Variants in SPHKAP observed in about 807,000 individuals in gnomAD.
The protein encoded by SPHKAP is A-kinase anchor protein SPHKAP.
Under a neutral mutation model 137.5 loss-of-function variants are expected in SPHKAP, and 67 were observed. The ratio of observed to expected loss-of-function variants is 0.49; its 90% CI spans 0.40 to 0.60. SPHKAP has a LOEUF of 0.60. SPHKAP is among the 20% of genes least tolerant of loss of function. The pLI, the probability that SPHKAP is intolerant of heterozygous loss-of-function variation, is 0.00. For synonymous variants in SPHKAP, 813 were observed against 785.3 expected, an observed-to-expected ratio of 1.04 and a Z score of -0.59; for missense variants, 2,097 against 2,069.3, an observed-to-expected ratio of 1.01 and a Z score of -0.26.
At chr2:228,122,037 G>A (rs780424615) in intron 2 of SPHKAP, among the ~76,000 whole-genome samples, 1 of 152,054 alleles carries the variant, frequency 6.6e-6, no homozygotes, top group Non-Finnish European at 1.5e-5. Flanking sequence ...TAGGGAGCAG[G>A]GTTGGCTAGT....
At chr2:228,168,050 A>C (rs1700471815) in intron 1 of SPHKAP, among the ~76,000 whole-genome samples, 1 of 152,158 alleles carries the variant, frequency 6.6e-6, no homozygotes, top group Non-Finnish European at 1.5e-5. Flanking sequence ...ATATCTAACA[A>C]AACTTTAGCA....
At chr2:228,008,471 T>A (rs939227576) in intron 7 of SPHKAP, among the ~76,000 whole-genome samples, 5 of 151,992 alleles carry the variant, frequency 3.3e-5, no homozygotes, top group African/African-American at 1.2e-4. Context: ...ATTTTTGTAT[T>A]TTTAGTAGAG....
Position 228,025,438 on chromosome 2 carries a change from C to T in SPHKAP, c.397G>A (p.Gly133Arg). Residue 133 changes from glycine (G) to arginine (R), a missense_variant, in exon 5 of 12, where the codon GGG (glycine) becomes AGG (arginine). Gly to Arg is a moderately radical substitution (Grantham distance 125). Transcript: ENST00000392056. ...PKENEIVVLS[G>R]LASGNLQADF... ...GCCTGGAGATTTCCAGAGGCTAACCCACTTAGGACAACAATTTCATTTTCT... is the reference window on the plus strand; with the variant it reads ...GCCTGGAGATTTCCAGAGGCTAACCTACTTAGGACAACAATTTCATTTTCT... 1 of 1,613,910 alleles carries T rather than the reference C, an allele frequency of 6.2e-7. No homozygotes were observed. Among genetic ancestry groups the T allele is most frequent in the Non-Finnish European group, 8.5e-7 (1 of 1,179,920 alleles).
rs1207386841 is a variant in SPHKAP, at chr2:227,993,610, T to C, written c.4645A>G (p.Ser1549Gly). 6.3e-7 allele frequency: 1 copy of C among 1,594,132 alleles called. No individual in the cohort carries two copies. The highest frequency in any genetic ancestry group is 2.3e-5 in the East Asian group (1 of 44,120). ...ATGCCAAGACTGCTAGTGGCACTAC[T>C]GTTGCCATTGCTGACAAAGCAAAAG... Reference protein sequence around the residue: ...LSERSMSNGNSSATSSLGIMD... With the variant: ...LSERSMSNGNGSATSSLGIMD... The change falls in exon 9 of 12, where the codon AGT becomes GGT. Residue 1549 changes from serine (S) to glycine (G), a missense_variant. By Grantham distance (56) the Ser-to-Gly change is moderately conservative. Coordinates refer to ENST00000392056, the MANE Select transcript of SPHKAP (RefSeq NM_001142644.2).
chr2:228,141,300 T>C (rs575726446), intron 1 of SPHKAP, among the ~76,000 whole-genome samples: 4 of 152,204 alleles, frequency 2.6e-5, no homozygotes, highest in South Asian at 2.1e-4. Context: ...CAGATGATAA[T>C]AGAAGCTTTG....
Position 227,991,177 on chromosome 2 carries a change from T to C in SPHKAP, c.4782A>G (p.Ala1594=), listed in dbSNP as rs149496297. Reference sequence around the variant, plus strand: ...TGGCTGTTCCCGTAGGCGGTCCAGATGCAGGTGCTGAGAACAGACACAACC... The same window carrying C: ...TGGCTGTTCCCGTAGGCGGTCCAGACGCAGGTGCTGAGAACAGACACAACC... ...KGQSESTEAP[A]SGPPTGTASP... Residue 1594 remains alanine (A), a synonymous_variant, in exon 11 of 12, where the codon GCA becomes GCG. Coordinates refer to ENST00000392056, the MANE Select transcript of SPHKAP (RefSeq NM_001142644.2). 70 of 1,614,106 alleles carry C rather than the reference T, an allele frequency of 4.3e-5. No individual in the cohort carries two copies. The African/African-American group carries it at 8.9e-4, about 21-fold the overall frequency.
chr2:228,021,999 A>G, intron 5 of SPHKAP, 33 bp from the exon 6 acceptor site: 1 of 1,540,418 alleles, frequency 6.5e-7, no homozygotes. Context: ...GCATTTATTC[A>G]AAAGGGAAAA....
At chr2:227,998,001 TTTTG>T (rs369418169) in intron 7 of SPHKAP, among the ~76,000 whole-genome samples, 77 of 152,198 alleles carry the variant, frequency 5.1e-4, no homozygotes, top group Middle Eastern at 6.8e-3. Flanking sequence ...GCTGGTAGTT[TTTTG>T]TTTGTTTGTT....
In SPHKAP at chr2:227,981,259, C is replaced by T. The variant is rs7600201; in HGVS notation, c.*458G>A. On this transcript the variant is annotated 3_prime_UTR_variant, in exon 12 of 12. Transcript: ENST00000392056. ...CTCACCCATATCTTAAGTATTTCTCCGGGCTGGCAGCCCCTTAATATAATC... is the reference window on the plus strand; with the variant it reads ...CTCACCCATATCTTAAGTATTTCTCTGGGCTGGCAGCCCCTTAATATAATC... The T allele has an allele frequency of 0.21, 31,466 of 152,228 alleles. 3,720 individuals carry two copies. Among genetic ancestry groups the T allele is most frequent in the East Asian group, 0.42 (2,153 of 5,176 alleles). The allele number at this position is 152,228 out of a possible 1,614,324, so 9.4% of individuals were successfully genotyped here.
chr2:228,014,936 A>C (rs1694511898), intron 7 of SPHKAP, among the ~76,000 whole-genome samples: 1 of 152,056 alleles, frequency 6.6e-6, no homozygotes, highest in East Asian at 1.9e-4. Flanking sequence ...TATTATTATC[A>C]TACTTTAAGT....
rs576615522 is a variant in SPHKAP, at chr2:228,062,203, C to T, written c.247-34660G>A. ...TTTTTTTTTAAATCTTGTCTCATTG[C>T]AACCTCTGACTCCTGGGTTCGAACA... On this transcript the variant is annotated intron_variant, in intron 3 of 11. Transcript: ENST00000392056. 5.3e-5 allele frequency among the ~76,000 whole-genome samples: 8 copies of T among 150,622 alleles called. No individual in the cohort carries two copies. The East Asian group carries it at 1.4e-3, about 26-fold the overall frequency.
intron 5 of SPHKAP, among the ~76,000 whole-genome samples, chr2:228,024,408 C>G (rs1047058405): frequency 6.7e-5 from 10 of 148,576 alleles, no homozygotes; most frequent in African/African-American, 2.5e-4. Flanking sequence ...TCTTCACTCT[C>G]AAAGACATAA....
At chr2:228,007,863 A>G (rs1037509070) in intron 7 of SPHKAP, among the ~76,000 whole-genome samples, 2 of 152,164 alleles carry the variant, frequency 1.3e-5, no homozygotes, top group Non-Finnish European at 2.9e-5. Context: ...CCACATAGAG[A>G]AGACTAAAAA....
intron 7 of SPHKAP, among the ~76,000 whole-genome samples, chr2:228,011,418 TG>T (rs1694363923): frequency 6.6e-6 from 1 of 152,248 alleles, no homozygotes; most frequent in Admixed American, 6.5e-5. Context: ...CTACAGAGAC[TG>T]GTAGATGCCC....
At chr2:228,041,738 C>G (rs540872229) in intron 3 of SPHKAP, among the ~76,000 whole-genome samples, 3 of 151,422 alleles carry the variant, frequency 2.0e-5, no homozygotes, top group African/African-American at 7.3e-5. Flanking sequence ...CTTAGAGTAA[C>G]TGTATTACTC....
chr2:228,038,805 A>G (rs1313649708), intron 3 of SPHKAP, among the ~76,000 whole-genome samples: 1 of 152,210 alleles, frequency 6.6e-6, no homozygotes, highest in Non-Finnish European at 1.5e-5. Context: ...ACAGGTGTAC[A>G]AGAAAGGGAC....
intron 1 of SPHKAP, among the ~76,000 whole-genome samples, chr2:228,145,377 G>T (rs760848556): frequency 6.6e-6 from 1 of 151,846 alleles, no homozygotes; most frequent in Admixed American, 6.6e-5. Context: ...TATATTATGG[G>T]GACTATTTAG....
chr2:228,024,871 ACT>A, intron 5 of SPHKAP, among the ~76,000 whole-genome samples: 2 of 152,260 alleles, frequency 1.3e-5, no homozygotes, highest in East Asian at 3.9e-4. Context: ...TATTTTAGTT[ACT>A]GTTTATTTTT....
chr2:228,101,546 T>C (rs960054990), intron 3 of SPHKAP, among the ~76,000 whole-genome samples: 2 of 152,240 alleles, frequency 1.3e-5, no homozygotes, highest in African/African-American at 4.8e-5. Context: ...ATTGAATACT[T>C]ATCTGATGCT....
Sources: gnomAD v4.1 joint callset for allele counts (sites outside exome capture counted in the v4.1 genomes callset) on GRCh38, gnomAD v4.1.1 for gene constraint, MANE v1.5 for transcripts, NCBI Gene and HGNC (gene_info 2026-07-23, HGNC 2026-07-21) for gene names.